Variants in GALNT13 observed in about 807,000 individuals in gnomAD.
GALNT13 encodes UDP-GalNAc:polypeptide N-acetylgalactosaminyltransferase 13.
In GALNT13, 28 loss-of-function variants were observed where a neutral mutation model predicts 64.2. That is an observed-to-expected ratio of 0.44 (90% CI 0.32 to 0.60). GALNT13 has a LOEUF of 0.60. Among genes scored for constraint, GALNT13 ranks in the 20% least tolerant of loss-of-function variants. The pLI is 0.05. For synonymous variants in GALNT13, 214 were observed against 224.6 expected (o/e 0.95, Z 0.42); for missense variants, 577 against 669.8 (o/e 0.86, Z 1.53).
chr2:153,637,007 T>C, the GALNT13 span, among the ~76,000 whole-genome samples: 1 of 152,060 alleles, frequency 6.6e-6, no homozygotes. Flanking sequence ...TAAGGTATAT[T>C]TTATTGACAG....
the GALNT13 span, among the ~76,000 whole-genome samples, chr2:153,309,002 C>G: frequency 6.6e-6 from 1 of 152,020 alleles, no homozygotes; most frequent in East Asian, 1.9e-4. Flanking sequence ...GTGGGTTTTT[C>G]TGAATGTTCA....
intron 1 of GALNT13, among the ~76,000 whole-genome samples, chr2:153,894,445 G>A (rs1024903104): frequency 6.6e-6 from 1 of 151,890 alleles, no homozygotes; most frequent in African/African-American, 2.4e-5. Context: ...TACAAATCAG[G>A]GGATTCTGAT....
chr2:153,204,779 A>G, the GALNT13 span, among the ~76,000 whole-genome samples: 2 of 152,178 alleles, frequency 1.3e-5, no homozygotes, highest in African/African-American at 4.8e-5. Flanking sequence ...ATGGAATTTG[A>G]AGGAGATGAG....
At chr2:153,628,893 A>G in the GALNT13 span, among the ~76,000 whole-genome samples, 1 of 152,046 alleles carries the variant, frequency 6.6e-6, no homozygotes, top group African/African-American at 2.4e-5. Flanking sequence ...TTCTTTTTCT[A>G]TTGAATGGAA....
the GALNT13 span, among the ~76,000 whole-genome samples, chr2:153,265,210 G>A: frequency 1.3e-5 from 2 of 152,156 alleles, no homozygotes; most frequent in African/African-American, 4.8e-5. Flanking sequence ...TTTCCCCCAT[G>A]TCCATGGGCT....
intron 2 of GALNT13, among the ~76,000 whole-genome samples, chr2:153,926,753 G>A (rs930348147): frequency 6.6e-6 from 1 of 152,050 alleles, no homozygotes; most frequent in African/African-American, 2.4e-5. Flanking sequence ...ATGTACTCAC[G>A]TACACATCGG....
At chr2:154,226,398 T>G (rs1419383225) in intron 4 of GALNT13, among the ~76,000 whole-genome samples, 1 of 152,110 alleles carries the variant, frequency 6.6e-6, no homozygotes, top group Non-Finnish European at 1.5e-5. Flanking sequence ...CTGAATGTAA[T>G]GATGTGTAAA....
chr2:154,191,927 A>G (rs1415264233), intron 4 of GALNT13, among the ~76,000 whole-genome samples: 1 of 152,170 alleles, frequency 6.6e-6, no homozygotes, highest in Non-Finnish European at 1.5e-5. Flanking sequence ...TCTGTATCCC[A>G]GGGTTTCTTG....
At chr2:153,682,987 G>A in the GALNT13 span, among the ~76,000 whole-genome samples, 1 of 151,674 alleles carries the variant, frequency 6.6e-6, no homozygotes, top group Non-Finnish European at 1.5e-5. Flanking sequence ...TTTTACAAAT[G>A]TAAAGAAGGA....
At chr2:153,687,958 A>G in the GALNT13 span, among the ~76,000 whole-genome samples, 1 of 151,998 alleles carries the variant, frequency 6.6e-6, no homozygotes, top group Admixed American at 6.6e-5. Flanking sequence ...TATTTACAGG[A>G]ATACCATAGG....
the GALNT13 span, among the ~76,000 whole-genome samples, chr2:153,811,976 T>C: frequency 1.3e-5 from 2 of 152,220 alleles, no homozygotes; most frequent in African/African-American, 4.8e-5. Context: ...TGATGCAGTT[T>C]AAGAATTATT....
chr2:153,310,489 C>A, the GALNT13 span, among the ~76,000 whole-genome samples: 13 of 152,224 alleles, frequency 8.5e-5, no homozygotes, highest in Non-Finnish European at 1.9e-4. Flanking sequence ...TCCTCCTTGG[C>A]CTACTCAATG....
the GALNT13 span, among the ~76,000 whole-genome samples, chr2:153,783,899 T>C: frequency 6.6e-6 from 1 of 152,192 alleles, no homozygotes; most frequent in Non-Finnish European, 1.5e-5. Context: ...ACCTCTTTTC[T>C]TTATAAATTA....
chr2:154,353,913 T>C (rs1202021567), intron 9 of GALNT13, among the ~76,000 whole-genome samples: 1 of 152,174 alleles, frequency 6.6e-6, no homozygotes, highest in East Asian at 1.9e-4. Context: ...TTCATCTCCT[T>C]CAGATATATA....
chr2:154,226,913 G>T (rs1688646707), intron 4 of GALNT13, among the ~76,000 whole-genome samples: 1 of 152,028 alleles, frequency 6.6e-6, no homozygotes, highest in Non-Finnish European at 1.5e-5. Flanking sequence ...GTGCTATATA[G>T]TTAACAAAGA....
At chr2:153,351,832 A>T in the GALNT13 span, among the ~76,000 whole-genome samples, 1 of 152,102 alleles carries the variant, frequency 6.6e-6, no homozygotes, top group East Asian at 1.9e-4. Context: ...CATTATCTGG[A>T]TGTACCACAG....
chr2:153,378,467 G>T, the GALNT13 span, among the ~76,000 whole-genome samples: 5 of 152,066 alleles, frequency 3.3e-5, no homozygotes, highest in Non-Finnish European at 7.4e-5. Flanking sequence ...GCTATGATTT[G>T]ATTGGATCTT....
chr2:153,778,999 T>C, the GALNT13 span, among the ~76,000 whole-genome samples: 1 of 152,176 alleles, frequency 6.6e-6, no homozygotes, highest in African/African-American at 2.4e-5. Context: ...CTTGGACCCA[T>C]TACTTAATCT....
the GALNT13 span, among the ~76,000 whole-genome samples, chr2:153,592,143 C>T: frequency 6.6e-6 from 1 of 152,006 alleles, no homozygotes; most frequent in Admixed American, 6.6e-5. Context: ...GAGATATCGT[C>T]TTACAACAGT....
Sources: gnomAD v4.1 joint callset for allele counts (sites outside exome capture counted in the v4.1 genomes callset) on GRCh38, gnomAD v4.1.1 for gene constraint, MANE v1.5 for transcripts, NCBI Gene and HGNC (gene_info 2026-07-23, HGNC 2026-07-21) for gene names.